COL5A1: variants seen among roughly 807,000 people sequenced by gnomAD.
COL5A1 encodes the protein collagen type V alpha 1 chain.
A neutral mutation model predicts 263.7 loss-of-function variants in COL5A1; 16 were observed. The ratio of observed to expected loss-of-function variants is 0.06; its 90% CI spans 0.04 to 0.09. COL5A1 has a LOEUF of 0.09. Ranked by LOEUF, COL5A1 falls within the 10% of genes least tolerant of loss-of-function variation. COL5A1 has a pLI of 1.00. For missense variants in COL5A1, 2,036 were observed against 2,540.5 expected (o/e 0.80, Z 4.27); for synonymous variants, 1,012 against 1,004.5 (o/e 1.01, Z -0.14).
chr9:134,711,650 C>T (rs1007421529), intron 4 of COL5A1, among the ~76,000 whole-genome samples: 2 of 152,100 alleles, frequency 1.3e-5, no homozygotes, highest in African/African-American at 4.8e-5. Flanking sequence ...ACAGTCAGGG[C>T]AGGACTTCAG....
chr9:134,682,966 G>A lies in COL5A1; in HGVS notation c.110-7946G>A, dbSNP rs148786749. On this transcript the variant is annotated intron_variant, in intron 1 of 65. Transcript: ENST00000371817. The surrounding 1 kb of genome is among the most constrained non-coding windows in gnomAD (Gnocchi z 5.1). The stretch of plus-strand genomic sequence containing the variant: ...GTTTAGGGGAAAAAAAGGAATTAGA[G>A]AAAAAGATCCAATGCAGACCCCAGC... 5.6e-3 allele frequency among the ~76,000 whole-genome samples: 859 copies of A among 152,288 alleles called. 8 individuals carry two copies. Among genetic ancestry groups the A allele is most frequent in the African/African-American group, 0.02 (817 of 41,570 alleles).
In COL5A1 at chr9:134,789,207, G is replaced by A; in HGVS notation, c.2699G>A (p.Arg900Lys). The A allele has an allele frequency of 6.2e-7, 1 of 1,612,818 alleles. No individual in the cohort carries two copies. ...FPGANGEKGG[R>K]GTPGKPGPRG... The stretch of plus-strand genomic sequence containing the variant: ...GGCGCCAATGGAGAGAAGGGCGGCA[G>A]GGTAAGGATAGCCTGGCCCCTGGGC... Residue 900 changes from arginine to lysine, a missense_variant and splice_region_variant, in exon 32 of 66, where the codon AGG becomes AAG. This residue lies in a region of COL5A1 where 1,078 missense variants were observed against 1,521.4 expected (regional missense o/e 0.71). Coordinates refer to ENST00000371817, the MANE Select transcript of COL5A1 (RefSeq NM_000093.5). The surrounding 1 kb of genome is among the most constrained non-coding windows in gnomAD (Gnocchi z 4.8).
At chr9:134,736,218 A>G (rs1835094398) in intron 9 of COL5A1, among the ~76,000 whole-genome samples, 1 of 152,132 alleles carries the variant, frequency 6.6e-6, no homozygotes, top group African/African-American at 2.4e-5. Flanking sequence ...GTTCATTGTG[A>G]GCTGCTGTTA....
At position 134,676,336 on chromosome 9, in the gene COL5A1, T is replaced by C. The variant is rs543192324; in HGVS notation, c.110-14576T>C. ...TAAGGATTTCCATGGCTTAAGGACA[T>C]GTTGGGCCATCTCTCCATCTCAGGC... On this transcript the variant is annotated intron_variant, in intron 1 of 65. Coordinates refer to ENST00000371817, the MANE Select transcript of COL5A1 (RefSeq NM_000093.5). 1.2e-3 allele frequency among the ~76,000 whole-genome samples: 189 copies of C among 152,326 alleles called. 3 individuals carry two copies. Among genetic ancestry groups the C allele is most frequent in the Non-Finnish European group, 1.0e-3 (69 of 68,026 alleles).
intron 16 of COL5A1, among the ~76,000 whole-genome samples, chr9:134,756,269 C>T (rs1835969693): frequency 6.6e-6 from 1 of 152,226 alleles, no homozygotes; most frequent in African/African-American, 2.4e-5. Context: ...CTGAGTGAGA[C>T]TGGGCCTCAC....
At chr9:134,761,085 G>A (rs1411125880) in intron 18 of COL5A1, among the ~76,000 whole-genome samples, 1 of 135,396 alleles carries the variant, frequency 7.4e-6, no homozygotes, top group East Asian at 2.4e-4. Flanking sequence ...ATGCACACGT[G>A]CACACACCCC....
intron 11 of COL5A1, among the ~76,000 whole-genome samples, chr9:134,744,346 C>T (rs1193066843): frequency 6.6e-6 from 1 of 151,284 alleles, no homozygotes; most frequent in African/African-American, 2.4e-5. Flanking sequence ...CTCATGCCTA[C>T]GTGCACGCAC....
intron 53 of COL5A1, among the ~76,000 whole-genome samples, chr9:134,817,320 G>A (rs1450677488): frequency 2.0e-5 from 3 of 152,224 alleles, no homozygotes; most frequent in African/African-American, 4.8e-5. Context: ...GATATCCATG[G>A]TGGGAGAAAG....
chr9:134,769,462 C>G (rs1380644774), intron 25 of COL5A1, among the ~76,000 whole-genome samples: 2 of 152,144 alleles, frequency 1.3e-5, no homozygotes, highest in Non-Finnish European at 2.9e-5. Flanking sequence ...ATTTCATTGC[C>G]CTTTCTAATG....
Position 134,690,965 on chromosome 9 carries a change from A to C in COL5A1, c.163A>C (p.Ile55Leu). The C allele has an allele frequency of 6.2e-7, 1 of 1,613,888 alleles. No homozygotes were observed. The highest frequency in any genetic ancestry group is 8.5e-7 in the Non-Finnish European group (1 of 1,180,050). The stretch of plus-strand genomic sequence containing the variant: ...AGATTTTCACAACTTGCCTGATGGA[A>C]TAACAAAGACAACAGGCTTTTGCGC... The part of the protein sequence containing the change: ...VLDFHNLPDG[I>L]TKTTGFCATR... Residue 55 changes from isoleucine to leucine, a missense_variant, in exon 2 of 66, where the codon ATA (isoleucine) becomes CTA (leucine). This residue lies in a region of COL5A1 where 600 missense variants were observed against 634.5 expected (regional missense o/e 0.95). Coordinates refer to ENST00000371817, the MANE Select transcript of COL5A1 (RefSeq NM_000093.5).
intron 44 of COL5A1, 82 bp from the exon 45 acceptor site, chr9:134,811,257 G>T: frequency 7.7e-7 from 1 of 1,293,600 alleles, no homozygotes; most frequent in East Asian, 2.3e-5. Context: ...ATCAGTCCCC[G>T]GGCTCAGGAT....
intron 1 of COL5A1, among the ~76,000 whole-genome samples, chr9:134,684,101 GC>G (rs1370258973): frequency 3.9e-5 from 6 of 152,188 alleles, no homozygotes; most frequent in Non-Finnish European, 7.3e-5. Context: ...TTCATGAGGG[GC>G]CCCACTTCCA....
In COL5A1 at chr9:134,696,672, T is replaced by C. The variant is rs1833480814; in HGVS notation, c.278-3237T>C. ...TGTAGTGAGCAATCGGTATGCTTAG[T>C]AACTGTCGGCTCAGTATGATTTAGT... On this transcript the variant is annotated intron_variant, in intron 2 of 65. Coordinates refer to ENST00000371817, the MANE Select transcript of COL5A1 (RefSeq NM_000093.5). This position sits in a 1 kb window ranked among gnomAD's most constrained non-coding sequence, Gnocchi z 4.3. 6.6e-6 allele frequency among the ~76,000 whole-genome samples: 1 copy of C among 152,244 alleles called. No individual in the cohort carries two copies. Among genetic ancestry groups the C allele is most frequent in the Non-Finnish European group, 1.5e-5 (1 of 68,048 alleles).
rs529255491 is a variant in COL5A1, at chr9:134,750,807, C to T, written c.1587C>T (p.Gly529=). Residue 529 remains glycine (G), a synonymous_variant, in exon 13 of 66, where the codon GGC becomes GGT. Coordinates refer to ENST00000371817, the MANE Select transcript of COL5A1 (RefSeq NM_000093.5). ...ACTTGCAGTTCCGGTTTGGAGGTGG[C>T]GGCGATGCGGGCTCCAAAGGCCCCA... is the stretch of plus-strand genomic sequence containing the variant. ...MLMLPFRFGG[G]GDAGSKGPMV... 43 of 1,613,308 alleles carry T rather than the reference C, an allele frequency of 2.7e-5. No individual in the cohort carries two copies. Among genetic ancestry groups the T allele is most frequent in the South Asian group, 3.3e-5 (3 of 91,080 alleles).
chr9:134,678,725 C>T lies in COL5A1; in HGVS notation c.110-12187C>T, dbSNP rs1370512994. Among the ~76,000 whole-genome samples the T allele has an allele frequency of 1.3e-5, 2 of 152,250 alleles. No individual in the cohort carries two copies. Among genetic ancestry groups the T allele is most frequent in the Non-Finnish European group, 2.9e-5 (2 of 68,046 alleles). ...AGCCCAAGTGATCCACCAGGACTCT[C>T]GCAGTGCAGACAAAATGAAACTGGC... On this transcript the variant is annotated intron_variant, in intron 1 of 65. Coordinates refer to ENST00000371817, the MANE Select transcript of COL5A1 (RefSeq NM_000093.5). The surrounding 1 kb of genome is among the most constrained non-coding windows in gnomAD (Gnocchi z 5.5).
rs1837610474 is a variant in COL5A1 at position 134,789,947 on chromosome 9, G to C, written c.2700+739G>C. ...CCACGGGGCATATGGCGGGGACAGA[G>C]AAAGGCCAGTCTGTGGTGTACATGC... On this transcript the variant is annotated intron_variant, in intron 32 of 65. Coordinates refer to ENST00000371817, the MANE Select transcript of COL5A1 (RefSeq NM_000093.5). This position sits in a 1 kb window ranked among gnomAD's most constrained non-coding sequence, Gnocchi z 4.8. Among the ~76,000 whole-genome samples the C allele has an allele frequency of 6.6e-6, 1 of 152,240 alleles. No homozygotes were observed. Among genetic ancestry groups the C allele is most frequent in the Non-Finnish European group, 1.5e-5 (1 of 68,044 alleles).
intron 7 of COL5A1, 80 bp from the exon 8 acceptor site, chr9:134,731,416 A>G: frequency 6.9e-7 from 1 of 1,447,472 alleles, no homozygotes; most frequent in Non-Finnish European, 9.6e-7. Flanking sequence ...GGATAGCCAC[A>G]GTGCCCGCCC....
intron 4 of COL5A1, among the ~76,000 whole-genome samples, chr9:134,704,057 A>G (rs1163638383): frequency 6.6e-6 from 1 of 152,208 alleles, no homozygotes; most frequent in East Asian, 1.9e-4. Flanking sequence ...TTAAAAAATT[A>G]GGATCCTAAA....
intron 1 of COL5A1, among the ~76,000 whole-genome samples, chr9:134,655,850 T>C (rs1831953687): frequency 6.6e-6 from 1 of 152,174 alleles, no homozygotes; most frequent in African/African-American, 2.4e-5. Flanking sequence ...CTCTGGCACC[T>C]GCAGCAGGGC....
Sources: allele counts gnomAD v4.1 joint callset (sites outside exome capture counted in the v4.1 genomes callset), GRCh38; gene constraint gnomAD v4.1.1; regional missense constraint gnomAD v4.1.1; non-coding constraint Gnocchi (gnomAD v3.1); transcripts MANE v1.5; gene names NCBI Gene and HGNC (gene_info 2026-07-23, HGNC 2026-07-21).